Variants in TMEM117 observed in about 807,000 individuals in gnomAD.
The protein encoded by TMEM117 is transmembrane protein 117.
Under a neutral mutation model 52.4 loss-of-function variants are expected in TMEM117, and 27 were observed. The observed-to-expected ratio is 0.51, with a 90% CI of 0.38 to 0.71. The LOEUF (loss-of-function observed/expected upper bound fraction) is 0.71. TMEM117 is among the 30% of genes least tolerant of loss of function. The pLI is 0.00. For synonymous variants in TMEM117, 215 were observed against 206.3 expected (o/e 1.04, Z -0.36); for missense variants, 556 against 630.5 (o/e 0.88, Z 1.26).
At chr12:44,062,001 T>A (rs1947146777) in intron 3 of TMEM117, among the ~76,000 whole-genome samples, 1 of 152,082 alleles carries the variant, frequency 6.6e-6, no homozygotes, top group African/African-American at 2.4e-5. Flanking sequence ...TATGATAATT[T>A]TGGGAGAGAC....
chr12:44,107,555 C>T (rs543323774), intron 3 of TMEM117, among the ~76,000 whole-genome samples: 1 of 152,066 alleles, frequency 6.6e-6, no homozygotes, highest in South Asian at 2.1e-4. Context: ...AGATAGGAAA[C>T]ATATAATTTT....
At position 43,963,679 on chromosome 12, in the gene TMEM117, A is replaced by G. The variant is rs79779876; in HGVS notation, c.410+19337A>G. On this transcript the variant is annotated intron_variant, in intron 3 of 7. Transcript: ENST00000266534. ...TGAGTGATGATGGCTTACAAAGGCA[A>G]GGTAAGAATTTAGGACTAGAAGATG... 7.0e-3 allele frequency among the ~76,000 whole-genome samples: 1,067 copies of G among 152,324 alleles called. 10 individuals carry two copies. The highest frequency in any genetic ancestry group is 0.023 in the African/African-American group (964 of 41,568).
intron 4 of TMEM117, among the ~76,000 whole-genome samples, chr12:44,183,428 T>C (rs1413946663): frequency 2.6e-5 from 4 of 152,200 alleles, no homozygotes; most frequent in Non-Finnish European, 5.9e-5. Flanking sequence ...TATAAAGTGC[T>C]TTATAAAGTA....
chr12:44,239,737 G>C (rs1950039598), intron 5 of TMEM117, among the ~76,000 whole-genome samples: 1 of 151,994 alleles, frequency 6.6e-6, no homozygotes, highest in Admixed American at 6.6e-5. Context: ...TTATATGCCA[G>C]ATATTTAATA....
intron 3 of TMEM117, among the ~76,000 whole-genome samples, chr12:44,097,356 C>T (rs547341885): frequency 3.3e-5 from 5 of 151,986 alleles, no homozygotes; most frequent in Admixed American, 6.6e-5. Flanking sequence ...CCAGCCATCC[C>T]GTTACTGGGT....
downstream of TMEM117, among the ~76,000 whole-genome samples, chr12:44,393,496 G>T (rs1952170075): frequency 6.6e-6 from 1 of 152,086 alleles, no homozygotes; most frequent in African/African-American, 2.4e-5. Context: ...CTATACAGAT[G>T]GTGAACCTCA....
At chr12:44,057,505 C>G (rs567190794) in intron 3 of TMEM117, among the ~76,000 whole-genome samples, 1 of 151,992 alleles carries the variant, frequency 6.6e-6, no homozygotes, top group African/African-American at 2.4e-5. Flanking sequence ...GTTTGTCTCT[C>G]TGAGTTAGCA....
chr12:44,361,309 G>A (rs2138808968), intron 6 of TMEM117, among the ~76,000 whole-genome samples: 1 of 152,284 alleles, frequency 6.6e-6, no homozygotes, highest in East Asian at 1.9e-4. Context: ...CAAGAAAATG[G>A]AAGATAGAGA....
chr12:43,813,326 C>T, the TMEM117 span, among the ~76,000 whole-genome samples: 3 of 147,146 alleles, frequency 2.0e-5, no homozygotes, highest in Non-Finnish European at 3.0e-5. Flanking sequence ...TCACTGTAAC[C>T]TCTGCCTCCC....
In TMEM117 at chr12:43,906,291, C is replaced by A. The variant is rs370109155; in HGVS notation, c.278-37919C>A. 3.0e-4 allele frequency among the ~76,000 whole-genome samples: 45 copies of A among 152,024 alleles called. 2 individuals carry two copies. The South Asian group carries it at 9.2e-3, about 31-fold the overall frequency. On this transcript the variant is annotated intron_variant, in intron 2 of 7. Coordinates refer to ENST00000266534, the MANE Select transcript of TMEM117 (RefSeq NM_032256.3). ...CAGCCTGGCCAACATGGTGAAACCT[C>A]ATCTCTACTAAAAATACAAAAATTA...
chr12:43,857,478 G>A (rs1021083568), intron 2 of TMEM117, among the ~76,000 whole-genome samples: 79 of 117,074 alleles, frequency 6.7e-4, no homozygotes, highest in African/African-American at 2.0e-3. Flanking sequence ...TGGAATTACA[G>A]AAGGCAGACT....
At chr12:44,338,618 T>G (rs1951374507) in intron 6 of TMEM117, among the ~76,000 whole-genome samples, 1 of 151,852 alleles carries the variant, frequency 6.6e-6, no homozygotes, top group African/African-American at 2.4e-5. Context: ...AAAATATAAA[T>G]GAGAAGCGTA....
rs1944095687 is a variant in TMEM117, at chr12:43,891,161, A to G, written c.277+46233A>G. On this transcript the variant is annotated intron_variant, in intron 2 of 7. Transcript: ENST00000266534. ...TCAGGATTTATCTACTTTTAAAATA[A>G]TGGCCCTTCCTTTTCCCTTACCATT... Among the ~76,000 whole-genome samples, 2 of 152,062 alleles carry G rather than the reference A, an allele frequency of 1.3e-5. 1 individual carries two copies. Among genetic ancestry groups the G allele is most frequent in the Admixed American group, 1.3e-4 (2 of 15,276 alleles).
chr12:44,211,226 C>T, intron 4 of TMEM117, 64 bp from the exon 5 acceptor site: 1 of 1,063,148 alleles, frequency 9.4e-7, no homozygotes, highest in African/African-American at 1.6e-5. Context: ...AAATTATAGG[C>T]TTATAGTTAA....
intron 4 of TMEM117, among the ~76,000 whole-genome samples, chr12:44,174,028 C>CT (rs1042201486): frequency 1.3e-5 from 2 of 151,996 alleles, no homozygotes; most frequent in East Asian, 1.9e-4. Flanking sequence ...TTGCTTTTAA[C>CT]TTTTTTTTAA....
At position 44,091,311 on chromosome 12, in the gene TMEM117, C is replaced by G. The variant is rs545624251; in HGVS notation, c.411-52214C>G. Among the ~76,000 whole-genome samples the G allele has an allele frequency of 1.7e-3, 258 of 152,244 alleles. 3 individuals carry two copies. The South Asian group carries it at 0.025, about 15-fold the overall frequency. The stretch of plus-strand genomic sequence containing the variant: ...CGTGGGAATTCTGGGAGCTACAATT[C>G]AAGTTGAGATTTGGGTGAGGATACA... On this transcript the variant is annotated intron_variant, in intron 3 of 7. Transcript: ENST00000266534.
chr12:43,947,205 A>G (rs1433726602), intron 3 of TMEM117, among the ~76,000 whole-genome samples: 1 of 152,080 alleles, frequency 6.6e-6, no homozygotes, highest in Non-Finnish European at 1.5e-5. Flanking sequence ...GGGTGATGGC[A>G]CGCCTTGTAG....
intron 3 of TMEM117, among the ~76,000 whole-genome samples, chr12:44,123,783 A>C (rs568129296): frequency 1.3e-5 from 2 of 152,192 alleles, no homozygotes; most frequent in Non-Finnish European, 2.9e-5. Flanking sequence ...TACTGGTACC[A>C]TGCTGTTTTG....
At chr12:43,998,844 C>T (rs144518431) in intron 3 of TMEM117, among the ~76,000 whole-genome samples, 3 of 152,180 alleles carry the variant, frequency 2.0e-5, no homozygotes, top group African/African-American at 7.2e-5. Flanking sequence ...AATTTAGAAT[C>T]AAACAAATCA....
Sources: allele counts gnomAD v4.1 joint callset (sites outside exome capture counted in the v4.1 genomes callset), GRCh38; gene constraint gnomAD v4.1.1; transcripts MANE v1.5; gene names NCBI Gene and HGNC (gene_info 2026-07-23, HGNC 2026-07-21).